Variants in ATRNL1 observed in about 807,000 individuals in gnomAD.
ATRNL1 encodes the protein attractin like 1.
ATRNL1 carries 95 observed loss-of-function variants against 182.7 expected under a neutral mutation model. The observed-to-expected ratio is 0.52, with a 90% confidence interval of 0.44 to 0.62. The LOEUF (loss-of-function observed/expected upper bound fraction) is 0.62. ATRNL1 is among the 20% of genes least tolerant of loss of function. The pLI is 0.00. For synonymous variants in ATRNL1, 576 were observed against 568.3 expected, an observed-to-expected ratio of 1.01 and a Z score of -0.19; for missense variants, 1,471 against 1,679.5, an observed-to-expected ratio of 0.88 and a Z score of 2.17.
intron 28 of ATRNL1, among the ~76,000 whole-genome samples, chr10:115,857,484 A>G (rs1951215774): frequency 6.6e-6 from 1 of 152,190 alleles, no homozygotes; most frequent in African/African-American, 2.4e-5. Flanking sequence ...CTCTTTATAA[A>G]TGTTTTTGTT....
At chr10:115,926,988 A>G (rs942945518) in intron 28 of ATRNL1, among the ~76,000 whole-genome samples, 6 of 152,060 alleles carry the variant, frequency 3.9e-5, no homozygotes, top group African/African-American at 1.4e-4. Context: ...GGCCAATATC[A>G]CTGATGAACA....
At chr10:115,863,827 G>A (rs1409635891) in intron 28 of ATRNL1, among the ~76,000 whole-genome samples, 4 of 152,042 alleles carry the variant, frequency 2.6e-5, no homozygotes, top group African/African-American at 9.7e-5. Flanking sequence ...GGCTAAGAAG[G>A]GCCAACCACA....
At chr10:115,564,986 AT>A (rs1290243511) in intron 26 of ATRNL1, among the ~76,000 whole-genome samples, 2 of 152,034 alleles carry the variant, frequency 1.3e-5, no homozygotes, top group African/African-American at 4.8e-5. Flanking sequence ...TATTTTCATT[AT>A]AGTCACATTT....
chr10:115,542,192 C>A (rs1391505501), intron 25 of ATRNL1, among the ~76,000 whole-genome samples: 1 of 151,970 alleles, frequency 6.6e-6, no homozygotes, highest in Non-Finnish European at 1.5e-5. Flanking sequence ...TGAGACTACT[C>A]CATTTTCTGT....
At chr10:115,759,316 T>C (rs1406251149) in intron 27 of ATRNL1, among the ~76,000 whole-genome samples, 1 of 152,158 alleles carries the variant, frequency 6.6e-6, no homozygotes, top group Non-Finnish European at 1.5e-5. Flanking sequence ...TGAGAAAACA[T>C]AAGCACTAGT....
chr10:115,633,889 A>G (rs1276832055), intron 26 of ATRNL1, among the ~76,000 whole-genome samples: 1 of 152,122 alleles, frequency 6.6e-6, no homozygotes, highest in African/African-American at 2.4e-5. Flanking sequence ...TAGCATGGCT[A>G]TATTTGCTAG....
chr10:115,376,395 C>G (rs551656705), intron 19 of ATRNL1, among the ~76,000 whole-genome samples: 1 of 152,056 alleles, frequency 6.6e-6, no homozygotes, highest in Non-Finnish European at 1.5e-5. Context: ...TCAAGCAATC[C>G]TCCTGCCTTG....
At chr10:115,232,119 C>T (rs191828721) in intron 9 of ATRNL1, among the ~76,000 whole-genome samples, 1 of 152,258 alleles carries the variant, frequency 6.6e-6, no homozygotes, top group African/African-American at 2.4e-5. Flanking sequence ...GACAGTTTGT[C>T]TAAGCTATTT....
In ATRNL1 at chr10:115,948,785, A is replaced by G. The variant is rs1400087965; in HGVS notation, c.*4006A>G. On this transcript the variant is annotated 3_prime_UTR_variant, in exon 29 of 29. Coordinates refer to ENST00000355044, the MANE Select transcript of ATRNL1 (RefSeq NM_207303.4). ...TAGCAGTGATTTCATTAGAGTGTAC[A>G]TTTAACATTTTAGTTTTATCAAAAT... 1 of 152,240 alleles carries G rather than the reference A, an allele frequency of 6.6e-6. No individual in the cohort carries two copies. The highest frequency in any genetic ancestry group is 1.5e-5 in the Non-Finnish European group (1 of 68,044). The allele number at this position is 152,240 out of a possible 1,614,324, so 9.4% of individuals were successfully genotyped here.
chr10:115,403,290 G>C (rs1844667005), intron 20 of ATRNL1, among the ~76,000 whole-genome samples: 1 of 118,436 alleles, frequency 8.4e-6, no homozygotes, highest in Non-Finnish European at 1.6e-5. Context: ...CTGCTATATG[G>C]GGAAAAGTAC....
At chr10:115,749,638 T>G (rs1216167914) in intron 27 of ATRNL1, among the ~76,000 whole-genome samples, 2 of 151,890 alleles carry the variant, frequency 1.3e-5, no homozygotes, top group East Asian at 3.8e-4. Flanking sequence ...TCTCATGCAT[T>G]CTTTTTGCTG....
At chr10:115,691,551 G>A (rs984556516) in intron 26 of ATRNL1, among the ~76,000 whole-genome samples, 8 of 152,198 alleles carry the variant, frequency 5.3e-5, no homozygotes, top group Admixed American at 2.0e-4. Flanking sequence ...GCAAAACTCC[G>A]TCTCTACAAA....
At chr10:115,636,998 AC>A (rs1430329718) in intron 26 of ATRNL1, among the ~76,000 whole-genome samples, 1 of 152,098 alleles carries the variant, frequency 6.6e-6, no homozygotes, top group Non-Finnish European at 1.5e-5. Context: ...AAAAAGAAGA[AC>A]CCCCAAGTAA....
rs1848199044 is a variant in ATRNL1 at position 115,469,280 on chromosome 10, TTA to T, written c.3606_3607del (p.Thr1203IlefsTer13). The T allele has an allele frequency of 6.5e-7, 1 of 1,538,784 alleles. No homozygotes were observed. Among genetic ancestry groups the T allele is most frequent in the Admixed American group, 2.1e-5 (1 of 46,764 alleles). On this transcript the variant is annotated frameshift_variant, in exon 24 of 29. Transcript: ENST00000355044. LOFTEE classifies it high-confidence loss of function. ...TTTAACTTTAGAAGCAATCCTAACA[TTA>T]CATTCTATGTGTACGTCAGCAACTT...
chr10:115,270,338 A>C (rs2133893224), intron 13 of ATRNL1, among the ~76,000 whole-genome samples: 9 of 144,912 alleles, frequency 6.2e-5, no homozygotes, highest in East Asian at 3.9e-4. Context: ...TTGTTTATAT[A>C]TTATATACAG....
chr10:115,482,651 A>C (rs977778882), intron 24 of ATRNL1, among the ~76,000 whole-genome samples: 76 of 151,306 alleles, frequency 5.0e-4, no homozygotes, highest in African/African-American at 1.8e-3. Context: ...GTAAAAACAC[A>C]TATAAAAATA....
chr10:115,658,961 G>A (rs1860507494), intron 26 of ATRNL1, among the ~76,000 whole-genome samples: 1 of 152,122 alleles, frequency 6.6e-6, no homozygotes, highest in Non-Finnish European at 1.5e-5. Flanking sequence ...TGAGAGCTGG[G>A]CCATGGGGGA....
intron 16 of ATRNL1, 28 bp from the exon 17 acceptor site, chr10:115,301,827 A>G: frequency 6.5e-7 from 1 of 1,544,534 alleles, no homozygotes; most frequent in East Asian, 2.3e-5. Context: ...TTAAAAATGA[A>G]ATTATTGTAT....
At chr10:115,151,753 A>G (rs1295863295) in intron 5 of ATRNL1, among the ~76,000 whole-genome samples, 4 of 152,092 alleles carry the variant, frequency 2.6e-5, no homozygotes, top group Non-Finnish European at 5.9e-5. Flanking sequence ...TTTTGTTGCC[A>G]TTGCTTTTGG....
Sources: gnomAD v4.1 joint callset for allele counts (sites outside exome capture counted in the v4.1 genomes callset) on GRCh38, gnomAD v4.1.1 for gene constraint, MANE v1.5 for transcripts, NCBI Gene and HGNC (gene_info 2026-07-23, HGNC 2026-07-21) for gene names.